The following VPS13C variants were observed in gnomAD, a reference collection of about 807,000 sequenced individuals.
The protein encoded by VPS13C is intermembrane lipid transfer protein VPS13C.
Under a neutral mutation model 456.8 loss-of-function variants are expected in VPS13C, and 358 were observed. The observed-to-expected ratio is 0.78, with a 90% CI of 0.72 to 0.86. The LOEUF is 0.86. Ranked by LOEUF, VPS13C falls within the 40% of genes least tolerant of loss-of-function variation. The probability of loss-of-function intolerance (pLI) is 0.00; values close to 1 mark genes in which losing one functional copy is unlikely to be tolerated. For synonymous variants in VPS13C, 1,578 were observed against 1,486.7 expected (o/e 1.06, Z -1.41); for missense variants, 4,818 against 4,385.4 (o/e 1.10, Z -2.79).
intron 42 of VPS13C, among the ~76,000 whole-genome samples, chr15:61,948,679 G>A (rs775807975): frequency 1.3e-4 from 19 of 149,156 alleles, no homozygotes; most frequent in Non-Finnish European, 1.8e-4. Flanking sequence ...GTGAAATTCC[G>A]TCTCAAAAAA....
intron 67 of VPS13C, among the ~76,000 whole-genome samples, chr15:61,884,490 G>C (rs900936064): frequency 2.0e-5 from 3 of 151,980 alleles, no homozygotes; most frequent in Non-Finnish European, 2.9e-5. Flanking sequence ...AACCAACTAA[G>C]GGACTGGCAA....
intron 82 of VPS13C, among the ~76,000 whole-genome samples, chr15:61,859,010 GA>G (rs979064905): frequency 3.3e-5 from 5 of 151,972 alleles, no homozygotes; most frequent in African/African-American, 4.8e-5. Flanking sequence ...CTGTGGGGTA[GA>G]AAAAAAGAGA....
intron 9 of VPS13C, among the ~76,000 whole-genome samples, chr15:62,014,578 A>G (rs952459560): frequency 1.3e-5 from 2 of 152,156 alleles, no homozygotes; most frequent in South Asian, 2.1e-4. Context: ...TTGTAATTGC[A>G]AAGAAAAATA....
intron 2 of VPS13C, among the ~76,000 whole-genome samples, chr15:62,043,073 G>GA (rs912788692): frequency 6.6e-6 from 1 of 151,588 alleles, no homozygotes; most frequent in Non-Finnish European, 1.5e-5. Flanking sequence ...CATAAATAGA[G>GA]AAAAAAACCT....
In VPS13C at chr15:62,044,197, T is replaced by C. The variant is rs746545065; in HGVS notation, c.144+15A>G. On this transcript the variant is annotated intron_variant, in intron 2 of 84. Coordinates refer to ENST00000644861, the MANE Select transcript of VPS13C (RefSeq NM_020821.3). ...AAATTAAGTGAGTTATTAGCATAGTTTAAAAAAAACTTACCAGGGCATTTT... is the reference window on the plus strand; with the variant it reads ...AAATTAAGTGAGTTATTAGCATAGTCTAAAAAAAACTTACCAGGGCATTTT... The C allele has an allele frequency of 2.0e-6, 3 of 1,474,822 alleles. No individual in the cohort carries two copies. Among genetic ancestry groups the C allele is most frequent in the Non-Finnish European group, 2.8e-6 (3 of 1,073,266 alleles). 91.4% of individuals were successfully genotyped at this position (1,474,822 alleles called of 1,614,324 possible).
chr15:61,997,009 ATATG>A lies in VPS13C; in HGVS notation c.1353+3551_1353+3554del, dbSNP rs1331343857. The stretch of plus-strand genomic sequence containing the variant: ...ATTTTACATACATACATATATATAT[ATATG>A]TATAGAATATAAAATTAAGAGTCCA... On this transcript the variant is annotated intron_variant, in intron 16 of 84. Transcript: ENST00000644861. 1.3e-3 allele frequency among the ~76,000 whole-genome samples: 204 copies of A among 151,118 alleles called. 1 individual carries two copies. Among genetic ancestry groups the A allele is most frequent in the African/African-American group, 4.7e-3 (193 of 41,116 alleles).
At chr15:61,975,281 A>G (rs1369901544) in intron 24 of VPS13C, among the ~76,000 whole-genome samples, 2 of 152,086 alleles carry the variant, frequency 1.3e-5, no homozygotes, top group Non-Finnish European at 2.9e-5. Flanking sequence ...TAAATATCAG[A>G]GAGGAAATCA....
intron 15 of VPS13C, 152 bp from the exon 16 acceptor site, chr15:62,000,778 A>T (rs988616555): frequency 3.8e-5 from 20 of 526,034 alleles, no homozygotes; most frequent in Non-Finnish European, 9.3e-6. Context: ...CTAGACTTTT[A>T]AATTTTTTAA....
chr15:61,883,730 A>G (rs1488964489), intron 68 of VPS13C, among the ~76,000 whole-genome samples: 1 of 152,156 alleles, frequency 6.6e-6, no homozygotes, highest in African/African-American at 2.4e-5. Context: ...ATGTAATTTT[A>G]CACGGTCTTT....
chr15:61,916,861 C>T (rs2043488210), intron 60 of VPS13C, among the ~76,000 whole-genome samples: 1 of 152,050 alleles, frequency 6.6e-6, no homozygotes. Flanking sequence ...AAAATAAAAA[C>T]TTTAAGATGA....
intron 18 of VPS13C, among the ~76,000 whole-genome samples, chr15:61,986,216 C>T (rs1213838252): frequency 6.6e-6 from 1 of 150,976 alleles, no homozygotes; most frequent in Non-Finnish European, 1.5e-5. Context: ...GATTCACAGG[C>T]GCTCTAGACA....
At chr15:61,873,675 C>T (rs748475157) in intron 77 of VPS13C, among the ~76,000 whole-genome samples, 5 of 151,736 alleles carry the variant, frequency 3.3e-5, no homozygotes, top group Non-Finnish European at 7.4e-5. Flanking sequence ...AAATCACAAA[C>T]GCTGTCAAAG....
chr15:62,043,401 T>G (rs932095109), intron 2 of VPS13C, among the ~76,000 whole-genome samples: 12 of 151,836 alleles, frequency 7.9e-5, no homozygotes, highest in Non-Finnish European at 1.5e-4. Context: ...AGGTCAGGAG[T>G]TGCAGACCAG....
intron 35 of VPS13C, among the ~76,000 whole-genome samples, chr15:61,960,881 G>C (rs1432155859): frequency 6.6e-6 from 1 of 152,118 alleles, no homozygotes; most frequent in Non-Finnish European, 1.5e-5. Flanking sequence ...TTTGAGACTA[G>C]CCTGGCCAAC....
chr15:61,891,301 T>C lies in VPS13C; in HGVS notation c.9106-901A>G, dbSNP rs1015164999. Among the ~76,000 whole-genome samples the C allele has an allele frequency of 8.5e-5, 13 of 152,288 alleles. No homozygotes were observed. The South Asian group carries it at 1.2e-3, about 15-fold the overall frequency. ...ACGAGTACCTACTATGTACTTTCCA[T>C]TCCATGCTTTCCAGGGGAGAAAAAA... On this transcript the variant is annotated intron_variant, in intron 66 of 84. Coordinates refer to ENST00000644861, the MANE Select transcript of VPS13C (RefSeq NM_020821.3).
chr15:61,867,707 A>C lies in VPS13C; in HGVS notation c.10863+952T>G. 1 of 1,357,572 alleles carries C rather than the reference A, an allele frequency of 7.4e-7. No individual in the cohort carries two copies. The highest frequency in any genetic ancestry group is 9.5e-7 in the Non-Finnish European group (1 of 1,055,380). 84.1% of individuals were successfully genotyped at this position (1,357,572 alleles called of 1,614,324 possible). Reference sequence around the variant, plus strand: ...AGAGAGCTGATTCTCTGCATCCTTTAATATTTTATACTAATCTCTTATTTC... The same window carrying C: ...AGAGAGCTGATTCTCTGCATCCTTTCATATTTTATACTAATCTCTTATTTC... On this transcript the variant is annotated intron_variant, in intron 81 of 84. Coordinates refer to ENST00000644861, the MANE Select transcript of VPS13C (RefSeq NM_020821.3). This position sits in a 1 kb window ranked among gnomAD's most constrained non-coding sequence, Gnocchi z 5.0.
At chr15:61,931,069 G>A in intron 50 of VPS13C, 21 bp downstream of exon 50, 1 of 1,613,250 alleles carries the variant, frequency 6.2e-7, no homozygotes, top group African/African-American at 1.3e-5. Flanking sequence ...ATAATGTATT[G>A]CAAACTCAGA....
chr15:61,987,041 G>C (rs1242711721), intron 18 of VPS13C, among the ~76,000 whole-genome samples: 1 of 151,984 alleles, frequency 6.6e-6, no homozygotes, highest in Non-Finnish European at 1.5e-5. Flanking sequence ...ACAAAGAAAG[G>C]AATTATGTGA....
chr15:61,999,423 C>T (rs2046518563), intron 16 of VPS13C, among the ~76,000 whole-genome samples: 1 of 151,126 alleles, frequency 6.6e-6, no homozygotes, highest in Admixed American at 6.6e-5. Context: ...TAGTTATACA[C>T]AAATTTTTAA....
Sources: gnomAD v4.1 joint callset for allele counts (sites outside exome capture counted in the v4.1 genomes callset) on GRCh38, gnomAD v4.1.1 for gene constraint, Gnocchi (gnomAD v3.1) non-coding constraint, MANE v1.5 for transcripts, NCBI Gene and HGNC (gene_info 2026-07-23, HGNC 2026-07-21) for gene names.